The following PTPRA variants were observed in gnomAD, a reference collection of about 807,000 sequenced individuals.
PTPRA encodes receptor-type tyrosine-protein phosphatase alpha.
PTPRA carries 25 observed loss-of-function variants against 104.8 expected under a neutral mutation model. The observed-to-expected ratio is 0.24, with a 90% CI of 0.17 to 0.33. The LOEUF is 0.33. Ranked by LOEUF, PTPRA falls within the 10% of genes least tolerant of loss-of-function variation. The probability of loss-of-function intolerance (pLI) is 1.00; values close to 1 mark genes in which losing one functional copy is unlikely to be tolerated. For synonymous variants in PTPRA, 323 were observed against 368.9 expected, an observed-to-expected ratio of 0.88 and a Z score of 1.43; for missense variants, 765 against 1,015.3, an observed-to-expected ratio of 0.75 and a Z score of 3.35.
At position 2,883,319 on chromosome 20, in the gene PTPRA, T is replaced by G. The variant is rs201319928; in HGVS notation, c.-129+9559T>G. ...CTGTCTCTTCAAGTAAAAGTATTAT[T>G]TAAATAGTGAGTGAAAAAGGAACTA... On this transcript the variant is annotated intron_variant, in intron 1 of 23. Transcript: ENST00000399903. Among the ~76,000 whole-genome samples the G allele has an allele frequency of 3.9e-5, 6 of 152,264 alleles. No homozygotes were observed. In the East Asian group the frequency reaches 7.7e-4, roughly 20 times the overall value.
intron 1 of PTPRA, among the ~76,000 whole-genome samples, chr20:2,910,587 TTGTTTTTTTTTTG>T (rs2059675146): frequency 3.1e-5 from 3 of 97,850 alleles, no homozygotes; most frequent in African/African-American, 1.1e-4. Context: ...AGTTTTTTTT[TTGTTTTTTTTTTG>T]TTTTTTTTAA....
chr20:3,005,506 G>C (rs143247217), intron 10 of PTPRA, among the ~76,000 whole-genome samples: 2 of 152,108 alleles, frequency 1.3e-5, no homozygotes, highest in Non-Finnish European at 1.5e-5. Context: ...ACCCAAGATC[G>C]TGTCACTGCA....
chr20:2,868,480 T>C (rs553465462), upstream of PTPRA, among the ~76,000 whole-genome samples: 15 of 151,750 alleles, frequency 9.9e-5, no homozygotes, highest in South Asian at 3.1e-3. Context: ...CACCTCCTGA[T>C]AGGGAGTAGC....
At chr20:2,881,009 CA>C (rs960141735) in intron 1 of PTPRA, among the ~76,000 whole-genome samples, 48 of 138,676 alleles carry the variant, frequency 3.5e-4, no homozygotes, top group Middle Eastern at 3.7e-3. Context: ...CTCTGTGTCT[CA>C]AAAAAAAAAA....
At chr20:2,964,123 G>C in intron 3 of PTPRA, 149 bp from the exon 4 acceptor site, 2 of 649,834 alleles carry the variant, frequency 3.1e-6, no homozygotes, top group Non-Finnish European at 5.4e-6. Flanking sequence ...TTGGATATCT[G>C]AGGAAGCATG....
chr20:3,019,674 C>T (rs544437461), intron 13 of PTPRA, among the ~76,000 whole-genome samples: 21 of 152,296 alleles, frequency 1.4e-4, no homozygotes, highest in African/African-American at 4.6e-4. Flanking sequence ...GACGGGGTGG[C>T]GGCTGGGCAG....
chr20:2,883,157 C>G (rs949080218), intron 1 of PTPRA, among the ~76,000 whole-genome samples: 2 of 151,718 alleles, frequency 1.3e-5, no homozygotes, highest in African/African-American at 4.8e-5. Flanking sequence ...GCTAATTTTG[C>G]AACCAGTAGG....
At chr20:2,899,542 G>A (rs75774566) in intron 1 of PTPRA, among the ~76,000 whole-genome samples, 2,513 of 152,160 alleles carry the variant, frequency 0.017, 67 homozygotes, top group African/African-American at 0.056. Flanking sequence ...GTGGTTGGAC[G>A]GTTTGTAATA....
Position 2,950,365 on chromosome 20 carries a change from G to T in PTPRA, c.-7+2341G>T, listed in dbSNP as rs886401861. On this transcript the variant is annotated intron_variant, in intron 3 of 23. Coordinates refer to ENST00000399903, the MANE Select transcript of PTPRA (RefSeq NM_001385305.1). The surrounding 1 kb of genome is among the most constrained non-coding windows in gnomAD (Gnocchi z 4.0). ...TATAATATTAACTTGTGGGCCAGGCGTCGTGGCTCACACCTGTAATCCCAG... is the reference window on the plus strand; with the variant it reads ...TATAATATTAACTTGTGGGCCAGGCTTCGTGGCTCACACCTGTAATCCCAG... Among the ~76,000 whole-genome samples, 2 of 151,936 alleles carry T rather than the reference G, an allele frequency of 1.3e-5. No individual in the cohort carries two copies. Among genetic ancestry groups the T allele is most frequent in the Non-Finnish European group, 2.9e-5 (2 of 68,004 alleles).
At chr20:2,943,206 T>G in intron 2 of PTPRA, among the ~76,000 whole-genome samples, 1 of 97,158 alleles carries the variant, frequency 1.0e-5, no homozygotes, top group Admixed American at 1.1e-4. Context: ...TTGGAACATA[T>G]CCCCCCACCC....
rs572340682 is a variant in PTPRA, at chr20:2,949,548, C to T, written c.-7+1524C>T. Among the ~76,000 whole-genome samples the T allele has an allele frequency of 3.5e-4, 54 of 152,154 alleles. No individual in the cohort carries two copies. The South Asian group carries it at 0.011, about 32-fold the overall frequency. ...GCTCAAGCAATCCTCCCATCTCAGC[C>T]TCCCAAAGTGCCATTACAGTGGCAT... On this transcript the variant is annotated intron_variant, in intron 3 of 23. Transcript: ENST00000399903.
chr20:2,964,773 A>C, intron 4 of PTPRA, 88 bp from the exon 5 acceptor site: 1 of 1,176,936 alleles, frequency 8.5e-7, no homozygotes. Context: ...TATGTTTGAG[A>C]GTTTATTAAG....
At chr20:2,980,375 C>T (rs531707016) in intron 6 of PTPRA, among the ~76,000 whole-genome samples, 6 of 151,860 alleles carry the variant, frequency 4.0e-5, no homozygotes, top group African/African-American at 1.5e-4. Flanking sequence ...CAAGACCAGG[C>T]TGGCCAACAT....
intron 2 of PTPRA, among the ~76,000 whole-genome samples, chr20:2,927,453 T>C (rs982551891): frequency 6.6e-6 from 1 of 152,232 alleles, no homozygotes; most frequent in Non-Finnish European, 1.5e-5. Context: ...TTTTCTTGTC[T>C]ATTTGCCTGT....
At chr20:2,960,134 G>A (rs554601334) in intron 3 of PTPRA, among the ~76,000 whole-genome samples, 10 of 152,168 alleles carry the variant, frequency 6.6e-5, no homozygotes, top group South Asian at 2.1e-4. Flanking sequence ...TTGGACAAAT[G>A]TATAATGACA....
At chr20:2,894,988 CAA>C (rs58817434) in intron 1 of PTPRA, among the ~76,000 whole-genome samples, 84 of 104,366 alleles carry the variant, frequency 8.0e-4, no homozygotes, top group Admixed American at 1.1e-3. Context: ...CTCCTTCACC[CAA>C]AAAAAAAAAA....
chr20:3,002,081 A>G (rs1321052068), intron 9 of PTPRA, among the ~76,000 whole-genome samples: 1 of 152,106 alleles, frequency 6.6e-6, no homozygotes, highest in East Asian at 1.9e-4. Flanking sequence ...TCAAGGCTGC[A>G]ATGAGCTATG....
intron 2 of PTPRA, among the ~76,000 whole-genome samples, chr20:2,926,704 A>G (rs1358435135): frequency 1.4e-5 from 2 of 146,742 alleles, no homozygotes; most frequent in South Asian, 2.2e-4. Flanking sequence ...GTACTCTTCA[A>G]CCTCCTTTTT....
intron 5 of PTPRA, among the ~76,000 whole-genome samples, chr20:2,967,908 C>G (rs1425098421): frequency 1.3e-5 from 2 of 152,206 alleles, no homozygotes; most frequent in Admixed American, 6.5e-5. Flanking sequence ...CAGAGCCTCT[C>G]AAAACAGCTT....
Sources: gnomAD v4.1 joint callset for allele counts (sites outside exome capture counted in the v4.1 genomes callset) on GRCh38, gnomAD v4.1.1 for gene constraint, Gnocchi (gnomAD v3.1) non-coding constraint, MANE v1.5 for transcripts, NCBI Gene and HGNC (gene_info 2026-07-23, HGNC 2026-07-21) for gene names.